The following GRK5 variants were observed in gnomAD, a reference collection of about 807,000 sequenced individuals.
GRK5 encodes g protein-coupled receptor kinase GRK5.
A neutral mutation model predicts 78.4 loss-of-function variants in GRK5; 40 were observed. The ratio of observed to expected loss-of-function variants is 0.51; its 90% CI spans 0.40 to 0.66. The LOEUF is 0.66. GRK5 is among the 30% of genes least tolerant of loss of function. The pLI, the probability that GRK5 is intolerant of heterozygous loss-of-function variation, is 0.00. For missense variants in GRK5, 598 were observed against 759.9 expected (o/e 0.79, Z 2.50); for synonymous variants, 289 against 296.8 (o/e 0.97, Z 0.27).
chr10:119,261,007 C>G (rs1357427454), intron 1 of GRK5, among the ~76,000 whole-genome samples: 81 of 145,674 alleles, frequency 5.6e-4, no homozygotes, highest in Middle Eastern at 4.2e-3. Flanking sequence ...CCTCACCTCC[C>G]GGACGGGGCG....
intron 2 of GRK5, among the ~76,000 whole-genome samples, chr10:119,342,481 T>C (rs1451000714): frequency 1.3e-5 from 2 of 152,214 alleles, no homozygotes; most frequent in Non-Finnish European, 2.9e-5. Flanking sequence ...AGTGAAGATC[T>C]GCATGGGGAG....
chr10:119,442,119 C>T (rs368714336), intron 11 of GRK5, 31 bp downstream of exon 11: 2 of 1,575,292 alleles, frequency 1.3e-6, no homozygotes, highest in African/African-American at 2.7e-5. Context: ...GTCAATGCAC[C>T]TTGAGACCCA....
chr10:119,361,485 A>G (rs965675829), intron 2 of GRK5, among the ~76,000 whole-genome samples: 1 of 152,220 alleles, frequency 6.6e-6, no homozygotes, highest in African/African-American at 2.4e-5. Flanking sequence ...ACAACCATGG[A>G]TAAGACAGAC....
chr10:119,375,426 C>T (rs1851608787), intron 2 of GRK5, among the ~76,000 whole-genome samples: 1 of 152,184 alleles, frequency 6.6e-6, no homozygotes, highest in Non-Finnish European at 1.5e-5. Flanking sequence ...TGGCCACCAC[C>T]CCTGAAACTG....
chr10:119,410,750 G>C (rs1589795053), intron 4 of GRK5, among the ~76,000 whole-genome samples: 3 of 151,996 alleles, frequency 2.0e-5, no homozygotes, highest in Admixed American at 6.6e-5. Context: ...TCTTGGAAGA[G>C]TTCCTAGCGC....
Position 119,453,148 on chromosome 10 carries a change from A to G in GRK5, c.1546A>G (p.Ile516Val). Residue 516 changes from isoleucine (I) to valine (V), a missense_variant, in exon 15 of 16, where the codon ATA (isoleucine) becomes GTA (valine). Transcript: ENST00000392870. ...SVSIPWQNEM[I>V]ETECFKELNV... Reference sequence around the variant, plus strand: ...TTTGTTTTCACGGCCCCTCCAGATGATAGAAACAGAATGCTTTAAGGAGCT... The same window carrying G: ...TTTGTTTTCACGGCCCCTCCAGATGGTAGAAACAGAATGCTTTAAGGAGCT... The G allele has an allele frequency of 2.6e-6, 4 of 1,537,478 alleles. No individual in the cohort carries two copies. The highest frequency in any genetic ancestry group is 3.6e-6 in the Non-Finnish European group (4 of 1,110,092).
intron 3 of GRK5, among the ~76,000 whole-genome samples, chr10:119,387,560 C>G (rs1851821460): frequency 6.6e-6 from 1 of 152,174 alleles, no homozygotes; most frequent in Non-Finnish European, 1.5e-5. Context: ...GGTCTGGTCT[C>G]TAAAGGGCAA....
Position 119,423,040 on chromosome 10 carries a change from C to T in GRK5, c.340-126C>T, listed in dbSNP as rs565602012. ...GGGCAGCAGGTCACACACTGGGGCA[C>T]AGACGGGCTGCCAGATGTACCAGCA... On this transcript the variant is annotated intron_variant, in intron 4 of 15. Coordinates refer to ENST00000392870, the MANE Select transcript of GRK5 (RefSeq NM_005308.3). 4.8e-5 allele frequency: 34 copies of T among 709,674 alleles called. 1 individual carries two copies. The South Asian group carries it at 5.2e-4, about 11-fold the overall frequency. The allele number at this position is 709,674 out of a possible 1,614,324, so 44.0% of individuals were successfully genotyped here. A position where few individuals can be genotyped will look rare whatever the true frequency, so the allele number is the denominator to read the frequency against.
chr10:119,418,884 ATC>A (rs1589799547), intron 4 of GRK5, among the ~76,000 whole-genome samples: 1 of 151,964 alleles, frequency 6.6e-6, no homozygotes, highest in East Asian at 1.9e-4. Flanking sequence ...CTCTGCAGGT[ATC>A]TACAGGCCTT....
intron 1 of GRK5, among the ~76,000 whole-genome samples, chr10:119,259,915 C>A (rs1169966868): frequency 6.6e-6 from 1 of 152,194 alleles, no homozygotes; most frequent in Middle Eastern, 3.2e-3. Flanking sequence ...TAAGCATTCA[C>A]GAACAGCTTT....
At chr10:119,244,015 G>C (rs1849066715) in intron 1 of GRK5, among the ~76,000 whole-genome samples, 1 of 152,234 alleles carries the variant, frequency 6.6e-6, no homozygotes, top group Non-Finnish European at 1.5e-5. Flanking sequence ...TGATCATATA[G>C]TAGCTACCAG....
At chr10:119,364,796 G>A (rs1851419148) in intron 2 of GRK5, among the ~76,000 whole-genome samples, 1 of 152,206 alleles carries the variant, frequency 6.6e-6, no homozygotes, top group African/African-American at 2.4e-5. Flanking sequence ...GGAAAAATAA[G>A]TAAGCATAAG....
At chr10:119,366,029 G>A (rs147881635) in intron 2 of GRK5, among the ~76,000 whole-genome samples, 5 of 152,318 alleles carry the variant, frequency 3.3e-5, no homozygotes, top group African/African-American at 9.6e-5. Context: ...GGAACTAAGC[G>A]ACCTGGTCCC....
At chr10:119,442,237 G>A in intron 11 of GRK5, 149 bp downstream of exon 11, 1 of 720,430 alleles carries the variant, frequency 1.4e-6, no homozygotes, top group South Asian at 1.7e-5. Context: ...GGGCTGCTGG[G>A]GGGCGGCCTT....
chr10:119,272,594 GAAA>G (rs1849601393), intron 1 of GRK5, among the ~76,000 whole-genome samples: 1 of 128,966 alleles, frequency 7.8e-6, no homozygotes, highest in African/African-American at 3.2e-5. Context: ...AAAAAAAAAA[GAAA>G]GAAAGAAAGA....
At position 119,455,513 on chromosome 10, in the gene GRK5, A is replaced by T; in HGVS notation, c.*446A>T. 3.3e-6 allele frequency: 1 copy of T among 306,948 alleles called. No individual in the cohort carries two copies. The highest frequency in any genetic ancestry group is 6.2e-6 in the Non-Finnish European group (1 of 160,700). The allele number at this position is 306,948 out of a possible 1,614,324, so 19.0% of individuals were successfully genotyped here. ...AGCCACTGTTAAGCCATGTGTTCCA[A>T]GGCATTTTAGCGGGGAGGGGGTTAT... On this transcript the variant is annotated 3_prime_UTR_variant, in exon 16 of 16. Coordinates refer to ENST00000392870, the MANE Select transcript of GRK5 (RefSeq NM_005308.3).
chr10:119,245,238 A>T (rs1849088510), intron 1 of GRK5, among the ~76,000 whole-genome samples: 1 of 152,122 alleles, frequency 6.6e-6, no homozygotes, highest in Non-Finnish European at 1.5e-5. Context: ...AGATCGCACT[A>T]CTGCACTGCA....
chr10:119,245,581 CATAAG>C (rs748659477), intron 1 of GRK5, among the ~76,000 whole-genome samples: 1 of 152,092 alleles, frequency 6.6e-6, no homozygotes, highest in African/African-American at 2.4e-5. Flanking sequence ...TAGTCAAACT[CATAAG>C]AGAATGGTGG....
chr10:119,338,197 G>GC (rs1324489477), intron 2 of GRK5, among the ~76,000 whole-genome samples: 1 of 152,176 alleles, frequency 6.6e-6, no homozygotes, highest in Non-Finnish European at 1.5e-5. Context: ...TCTCTCCTGA[G>GC]CCTGGTGGGG....
Sources: allele counts gnomAD v4.1 joint callset (sites outside exome capture counted in the v4.1 genomes callset), GRCh38; gene constraint gnomAD v4.1.1; transcripts MANE v1.5; gene names NCBI Gene and HGNC (gene_info 2026-07-23, HGNC 2026-07-21).